SLCO1B1: variants seen among roughly 807,000 people sequenced by gnomAD.
SLCO1B1 encodes solute carrier organic anion transporter family member 1B1.
In SLCO1B1, 81 loss-of-function variants were observed where a neutral mutation model predicts 70.1. The ratio of observed to expected loss-of-function variants is 1.16; its 90% CI spans 0.97 to 1.39. SLCO1B1 has a LOEUF of 1.39. Ranked by LOEUF, SLCO1B1 falls within the 40% of genes most tolerant of loss-of-function variation. The probability of loss-of-function intolerance (pLI) is 0.00; values close to 1 mark genes in which losing one functional copy is unlikely to be tolerated. For missense variants in SLCO1B1, 895 were observed against 799.6 expected (o/e 1.12, Z -1.44); for synonymous variants, 283 against 271.5 (o/e 1.04, Z -0.42).
At chr12:21,135,720 A>G (rs1019729078) in intron 1 of SLCO1B1, among the ~76,000 whole-genome samples, 2 of 152,082 alleles carry the variant, frequency 1.3e-5, no homozygotes, top group East Asian at 1.9e-4. Flanking sequence ...TTTTGAGCCT[A>G]TGTGTGTCTC....
chr12:21,217,233 G>A lies in SLCO1B1; in HGVS notation c.1612G>A (p.Val538Ile), dbSNP rs760163504. 3.1e-6 allele frequency: 5 copies of A among 1,613,596 alleles called. No individual in the cohort carries two copies. Among genetic ancestry groups the A allele is most frequent in the Middle Eastern group, 1.6e-4 (1 of 6,074 alleles). Residue 538 changes from valine to isoleucine, a missense_variant, in exon 12 of 15, where the codon GTT becomes ATT. Physicochemically the swap from Val to Ile is conservative, Grantham distance 29 (BLOSUM62 3). Transcript: ENST00000256958. ...DACTRKFYFF[V>I]AIQVLNLFFS... ...TTGTACAAGGAAATTTTACTTTTTT[G>A]TTGCAATACAAGTCTTGAATTTATT...
At chr12:21,154,469 A>G (rs1940514758) in intron 2 of SLCO1B1, among the ~76,000 whole-genome samples, 1 of 152,132 alleles carries the variant, frequency 6.6e-6, no homozygotes, top group African/African-American at 2.4e-5. Flanking sequence ...TCTATTGTTT[A>G]TAAAGTACAC....
chr12:21,167,592 C>G (rs985721357), intron 2 of SLCO1B1, among the ~76,000 whole-genome samples: 56 of 152,210 alleles, frequency 3.7e-4, no homozygotes, highest in Admixed American at 3.6e-3. Flanking sequence ...GTAAAAAACA[C>G]ATAACATTAA....
chr12:21,222,844 A>G (rs1016236516), intron 13 of SLCO1B1, among the ~76,000 whole-genome samples: 2 of 152,268 alleles, frequency 1.3e-5, no homozygotes, highest in East Asian at 1.9e-4. Flanking sequence ...TGGCCAGGCT[A>G]TGGCCAAATT....
At chr12:21,142,334 C>G (rs1940322385) in intron 2 of SLCO1B1, among the ~76,000 whole-genome samples, 1 of 151,854 alleles carries the variant, frequency 6.6e-6, no homozygotes, top group Admixed American at 6.6e-5. Flanking sequence ...AAGCACAATG[C>G]TAAATGAGAA....
intron 1 of SLCO1B1, among the ~76,000 whole-genome samples, chr12:21,136,583 G>A (rs146454227): frequency 0.015 from 2,331 of 151,548 alleles, 54 homozygotes; most frequent in African/African-American, 0.052. Flanking sequence ...CATTCATTTC[G>A]TCTTCCATCA....
intron 2 of SLCO1B1, among the ~76,000 whole-genome samples, chr12:21,144,554 A>T (rs979965615): frequency 1.3e-5 from 2 of 152,100 alleles, no homozygotes; most frequent in African/African-American, 4.8e-5. Context: ...AGTTCAAAAA[A>T]TTCAAAGAAT....
chr12:21,166,226 C>A (rs748185600), intron 2 of SLCO1B1, among the ~76,000 whole-genome samples: 1 of 151,890 alleles, frequency 6.6e-6, no homozygotes, highest in East Asian at 1.9e-4. Flanking sequence ...ACTCAGAGAT[C>A]CACTTTGAGG....
At chr12:21,209,466 C>A (rs1022346959) in intron 11 of SLCO1B1, among the ~76,000 whole-genome samples, 1 of 152,162 alleles carries the variant, frequency 6.6e-6, no homozygotes, top group East Asian at 1.9e-4. Context: ...CACTGTTGGA[C>A]ATTTGGGTGG....
chr12:21,205,374 C>T (rs1941203686), intron 10 of SLCO1B1, among the ~76,000 whole-genome samples: 1 of 151,708 alleles, frequency 6.6e-6, no homozygotes, highest in Admixed American at 6.6e-5. Context: ...AGAGGTTCTG[C>T]TTTAAGCATG....
intron 3 of SLCO1B1, 103 bp downstream of exon 3, chr12:21,172,894 CA>C: frequency 7.4e-6 from 8 of 1,081,326 alleles, no homozygotes; most frequent in South Asian, 1.4e-5. Flanking sequence ...CTCTCACAGG[CA>C]ATTTGGCAAT....
At chr12:21,213,206 T>G (rs1055059463) in intron 11 of SLCO1B1, among the ~76,000 whole-genome samples, 12 of 152,278 alleles carry the variant, frequency 7.9e-5, no homozygotes, top group Non-Finnish European at 1.3e-4. Flanking sequence ...CTGGTACCAG[T>G]TGTTCCTTTC....
chr12:21,239,428 T>C lies in SLCO1B1; in HGVS notation c.*239T>C, dbSNP rs1431278912. Among the ~76,000 whole-genome samples, 1 of 152,156 alleles carries C rather than the reference T, an allele frequency of 6.6e-6. No homozygotes were observed. The highest frequency in any genetic ancestry group is 1.5e-5 in the Non-Finnish European group (1 of 68,016). On this transcript the variant is annotated 3_prime_UTR_variant, in exon 15 of 15. Transcript: ENST00000256958. ...GGTTAAGGTTAGACTATATGATCCA[T>C]ACAAATTAAAGTGAGAGACATGGTT... is the stretch of plus-strand genomic sequence containing the variant.
intron 4 of SLCO1B1, among the ~76,000 whole-genome samples, chr12:21,175,064 C>A (rs1474188973): frequency 6.6e-6 from 1 of 152,070 alleles, no homozygotes; most frequent in Non-Finnish European, 1.5e-5. Flanking sequence ...TAGTTGTTCC[C>A]ATCATTTCAC....
At chr12:21,201,493 A>G (rs1030649235) in intron 9 of SLCO1B1, among the ~76,000 whole-genome samples, 1 of 152,186 alleles carries the variant, frequency 6.6e-6, no homozygotes, top group African/African-American at 2.4e-5. Context: ...AAGTTATAGG[A>G]GGGATTAAAC....
In SLCO1B1 at chr12:21,239,325, C is replaced by A; in HGVS notation, c.*136C>A. The A allele has an allele frequency of 1.4e-6, 1 of 724,190 alleles. No individual in the cohort carries two copies. Among genetic ancestry groups the A allele is most frequent in the Non-Finnish European group, 2.5e-6 (1 of 402,400 alleles). 44.9% of individuals were successfully genotyped at this position (724,190 alleles called of 1,614,324 possible). A position where few individuals can be genotyped will look rare whatever the true frequency, so the allele number is the denominator to read the frequency against. Reference sequence around the variant, plus strand: ...CTTTTATGGTGGAAGTATAAATAAGCCTATGAACTTATAATAAAACAAACT... The same window carrying A: ...CTTTTATGGTGGAAGTATAAATAAGACTATGAACTTATAATAAAACAAACT... On this transcript the variant is annotated 3_prime_UTR_variant, in exon 15 of 15. Transcript: ENST00000256958.
chr12:21,183,716 G>T (rs1940931457), intron 7 of SLCO1B1, among the ~76,000 whole-genome samples: 1 of 152,136 alleles, frequency 6.6e-6, no homozygotes, highest in Non-Finnish European at 1.5e-5. Flanking sequence ...TCAAATGGGT[G>T]CATTTGAGCT....
chr12:21,134,848 A>ACT (rs1940195545), intron 1 of SLCO1B1, among the ~76,000 whole-genome samples: 2 of 151,980 alleles, frequency 1.3e-5, no homozygotes, highest in African/African-American at 4.8e-5. Context: ...TTCTGCTCTG[A>ACT]TGGTAGTTAT....
intron 7 of SLCO1B1, among the ~76,000 whole-genome samples, chr12:21,187,080 G>A (rs1940970873): frequency 6.6e-6 from 1 of 152,086 alleles, no homozygotes; most frequent in African/African-American, 2.4e-5. Context: ...TTTTAATGCA[G>A]ATGAAAGTGT....
Sources: gnomAD v4.1 joint callset for allele counts (sites outside exome capture counted in the v4.1 genomes callset) on GRCh38, gnomAD v4.1.1 for gene constraint, MANE v1.5 for transcripts, NCBI Gene and HGNC (gene_info 2026-07-23, HGNC 2026-07-21) for gene names.